The following PTPRD variants were observed in gnomAD, a reference collection of about 807,000 sequenced individuals.
PTPRD encodes the protein receptor-type tyrosine-protein phosphatase delta.
PTPRD carries 34 observed loss-of-function variants against 214.5 expected under a neutral mutation model. The ratio of observed to expected loss-of-function variants is 0.16; its 90% confidence interval spans 0.12 to 0.21. The LOEUF is 0.21. Among genes scored for constraint, PTPRD ranks in the 10% least tolerant of loss-of-function variants. PTPRD has a pLI of 1.00. For missense variants in PTPRD, 2,545 were observed against 2,398.7 expected, an observed-to-expected ratio of 1.06 and a Z score of -1.27; for synonymous variants, 1,128 against 845.7, an observed-to-expected ratio of 1.33 and a Z score of -5.79.
chr9:9,969,616 A>G (rs1204327662), intron 4 of PTPRD, among the ~76,000 whole-genome samples: 5 of 152,196 alleles, frequency 3.3e-5, no homozygotes, highest in Non-Finnish European at 7.3e-5. Flanking sequence ...ATGAGATCAA[A>G]GAACAAGTTT....
At chr9:9,618,589 G>T (rs984042264) in intron 7 of PTPRD, among the ~76,000 whole-genome samples, 23 of 152,160 alleles carry the variant, frequency 1.5e-4, no homozygotes, top group African/African-American at 4.8e-4. Context: ...TTAATCTTTG[G>T]AAACTGTACT....
chr9:8,836,587 C>CTT lies in PTPRD; in HGVS notation c.-103-102643_-103-102642dup, dbSNP rs34572407. On this transcript the variant is annotated intron_variant, in intron 11 of 45. Coordinates refer to ENST00000381196, the MANE Select transcript of PTPRD (RefSeq NM_002839.4). ...TTAAGTTCAGAGTATTAATAAAAAC[C>CTT]TTTTTTTTTTTTTTTTTTTTTTTTT... Among the ~76,000 whole-genome samples the CTT allele has an allele frequency of 8.3e-3, 557 of 66,804 alleles. 38 individuals carry two copies. Among genetic ancestry groups the CTT allele is most frequent in the African/African-American group, 0.029 (455 of 15,798 alleles). 43.8% of individuals were successfully genotyped at this position (66,804 alleles called of 152,430 possible). A position where few individuals can be genotyped will look rare whatever the true frequency, so the allele number is the denominator to read the frequency against.
chr9:9,725,873 C>T (rs546094378), intron 7 of PTPRD, among the ~76,000 whole-genome samples: 5 of 152,188 alleles, frequency 3.3e-5, no homozygotes, highest in South Asian at 4.1e-4. Flanking sequence ...TGTCTCTAAT[C>T]GTTGGATGTT....
chr9:8,806,145 G>C (rs905717652), intron 11 of PTPRD, among the ~76,000 whole-genome samples: 7 of 150,544 alleles, frequency 4.6e-5, no homozygotes, highest in Non-Finnish European at 7.4e-5. Context: ...GGCTGGTCTC[G>C]AACTCCTGAT....
At chr9:9,909,778 G>GTTTT (rs113536313) in intron 5 of PTPRD, among the ~76,000 whole-genome samples, 5 of 150,268 alleles carry the variant, frequency 3.3e-5, no homozygotes, top group African/African-American at 1.2e-4. Flanking sequence ...TGGATTGAAT[G>GTTTT]TTTTTTTTTG....
At chr9:8,946,258 G>T (rs1312289202) in intron 11 of PTPRD, among the ~76,000 whole-genome samples, 2 of 152,018 alleles carry the variant, frequency 1.3e-5, no homozygotes, top group Admixed American at 6.6e-5. Context: ...TGTATTCTAT[G>T]AGAAAACTGA....
In PTPRD at chr9:8,919,840, GTGCATGTATCATGCATACATAGATGTACA is replaced by G. The variant is rs1443089227; in HGVS notation, c.-104+98828_-104+98856del. On this transcript the variant is annotated intron_variant, in intron 11 of 45. Coordinates refer to ENST00000381196, the MANE Select transcript of PTPRD (RefSeq NM_002839.4). ...CATGCACCCATACATGCATACATAC[GTGCATGTATCATGCATACATAGATGTACA>G]TGCATGTATCATGCATACATAGATG... Among the ~76,000 whole-genome samples, 513 of 145,082 alleles carry G rather than the reference GTGCATGTATCATGCATACATAGATGTACA, an allele frequency of 3.5e-3. 5 individuals carry two copies. The highest frequency in any genetic ancestry group is 0.012 in the African/African-American group (474 of 40,656).
rs181642329 is a variant in PTPRD at position 8,890,653 on chromosome 9, A to C, written c.-104+128044T>G. 3.9e-5 allele frequency among the ~76,000 whole-genome samples: 6 copies of C among 152,346 alleles called. No individual in the cohort carries two copies. The East Asian group carries it at 1.2e-3, about 29-fold the overall frequency. Reference sequence around the variant, plus strand: ...CCTTAAATATATCCATTCCTAGAACAAATTTTCTTCCTATTTTGTGGTATA... The same window carrying C: ...CCTTAAATATATCCATTCCTAGAACCAATTTTCTTCCTATTTTGTGGTATA... On this transcript the variant is annotated intron_variant, in intron 11 of 45. Coordinates refer to ENST00000381196, the MANE Select transcript of PTPRD (RefSeq NM_002839.4).
At position 10,188,797 on chromosome 9, in the gene PTPRD, G is replaced by A. The variant is rs780684344; in HGVS notation, c.-545+152166C>T. Among the ~76,000 whole-genome samples, 36 of 152,208 alleles carry A rather than the reference G, an allele frequency of 2.4e-4. 1 individual carries two copies. Among genetic ancestry groups the A allele is most frequent in the Non-Finnish European group, 4.4e-4 (30 of 68,004 alleles). ...TGTATACTACAATGTACCAGGTACT[G>A]TGACTACAAAAGACACTATGAGTAC... On this transcript the variant is annotated intron_variant, in intron 3 of 45. Coordinates refer to ENST00000381196, the MANE Select transcript of PTPRD (RefSeq NM_002839.4).
intron 3 of PTPRD, among the ~76,000 whole-genome samples, chr9:10,105,059 C>A (rs1306860509): frequency 2.6e-5 from 4 of 151,880 alleles, no homozygotes; most frequent in African/African-American, 4.8e-5. Flanking sequence ...TTTGGGACAT[C>A]TTTCCTGAAC....
chr9:8,841,435 TTTTTA>T (rs1474516252), intron 11 of PTPRD, among the ~76,000 whole-genome samples: 2 of 152,314 alleles, frequency 1.3e-5, no homozygotes, highest in African/African-American at 4.8e-5. Context: ...AGCTTTATTT[TTTTTA>T]ATTAAAAAAT....
intron 5 of PTPRD, among the ~76,000 whole-genome samples, chr9:9,767,344 G>A (rs536438238): frequency 6.6e-6 from 1 of 151,894 alleles, no homozygotes; most frequent in Non-Finnish European, 1.5e-5. Context: ...TAGTAATAAT[G>A]TTTCAAAAAC....
chr9:8,960,417 C>A (rs530954225), intron 11 of PTPRD, among the ~76,000 whole-genome samples: 1 of 151,998 alleles, frequency 6.6e-6, no homozygotes, highest in Non-Finnish European at 1.5e-5. Flanking sequence ...GTAACAGGGA[C>A]GTGTACTAGG....
intron 3 of PTPRD, among the ~76,000 whole-genome samples, chr9:10,115,832 T>G (rs942507156): frequency 6.6e-6 from 1 of 152,078 alleles, no homozygotes; most frequent in African/African-American, 2.4e-5. Context: ...ACAATAAATC[T>G]ATATCAAAAA....
intron 5 of PTPRD, among the ~76,000 whole-genome samples, chr9:9,870,831 T>C (rs759341444): frequency 6.6e-5 from 10 of 152,078 alleles, no homozygotes; most frequent in Admixed American, 2.0e-4. Flanking sequence ...ACACTTAGTG[T>C]TGAAATATCT....
At chr9:9,654,618 T>G (rs1376542486) in intron 7 of PTPRD, among the ~76,000 whole-genome samples, 3 of 152,200 alleles carry the variant, frequency 2.0e-5, no homozygotes, top group Non-Finnish European at 4.4e-5. Context: ...GAATATTATT[T>G]GTAGGAACAT....
intron 2 of PTPRD, among the ~76,000 whole-genome samples, chr9:10,445,335 T>G (rs1372915147): frequency 6.6e-6 from 1 of 152,044 alleles, no homozygotes; most frequent in African/African-American, 2.4e-5. Flanking sequence ...AGAAATGTTG[T>G]TGGAGTTGCA....
At chr9:9,061,942 A>G (rs1391945445) in intron 10 of PTPRD, among the ~76,000 whole-genome samples, 1 of 152,180 alleles carries the variant, frequency 6.6e-6, no homozygotes, top group Non-Finnish European at 1.5e-5. Context: ...TCTGGGGGAT[A>G]ATGGCCACCA....
chr9:10,609,230 T>C (rs766301978), intron 2 of PTPRD, among the ~76,000 whole-genome samples: 9 of 152,120 alleles, frequency 5.9e-5, no homozygotes, highest in African/African-American at 9.7e-5. Context: ...GCTAGATCAA[T>C]AGAGACACAT....
Sources: gnomAD v4.1 joint callset for allele counts (sites outside exome capture counted in the v4.1 genomes callset) on GRCh38, gnomAD v4.1.1 for gene constraint, MANE v1.5 for transcripts, NCBI Gene and HGNC (gene_info 2026-07-23, HGNC 2026-07-21) for gene names.